Variants in IDNK observed in about 807,000 individuals in gnomAD.
The protein encoded by IDNK is IDNK gluconokinase.
Under a neutral mutation model 13.0 loss-of-function variants are expected in IDNK, and 9 were observed. The observed-to-expected ratio is 0.69, with a 90% CI of 0.42 to 1.21. The LOEUF (loss-of-function observed/expected upper bound fraction) is 1.21. Ranked by LOEUF, IDNK falls within the 50% of genes most tolerant of loss-of-function variation. IDNK has a pLI of 0.00. For missense variants in IDNK, 210 were observed against 237.8 expected (o/e 0.88, Z 0.77); for synonymous variants, 92 against 94.9 (o/e 0.97, Z 0.18).
At chr9:83,627,888 A>C in intron 1 of IDNK, 2 of 366,922 alleles carry the variant, frequency 5.5e-6, no homozygotes, top group South Asian at 9.7e-5. Flanking sequence ...ATTACACAAC[A>C]GGGACCAAAA....
intron 3 of IDNK, among the ~76,000 whole-genome samples, chr9:83,635,588 C>G (rs1831141988): frequency 6.6e-6 from 1 of 152,224 alleles, no homozygotes; most frequent in African/African-American, 2.4e-5. Flanking sequence ...TAAGATGGAT[C>G]ACAGTGATGC....
rs57832482 is a variant in IDNK, at chr9:83,631,451, GA to G, written c.168+2511del. Among the ~76,000 whole-genome samples, 27 of 56,936 alleles carry G rather than the reference GA, an allele frequency of 4.7e-4. 3 individuals are homozygous for G. The highest frequency in any genetic ancestry group is 4.2e-3 in the East Asian group (7 of 1,676). 37.4% of individuals were successfully genotyped at this position (56,936 alleles called of 152,430 possible). On this transcript the variant is annotated intron_variant, in intron 3 of 4. Transcript: ENST00000376419. ...GCAAGTCCCTGCCTCTACAAAAACT[GA>G]AAAAAAAAAAAAAAAAAAGGCTGGT...
intron 4 of IDNK, 51 bp from the exon 5 acceptor site, chr9:83,643,378 A>T: frequency 7.0e-7 from 1 of 1,437,458 alleles, no homozygotes; most frequent in Non-Finnish European, 9.4e-7. Flanking sequence ...AGGTTACTTT[A>T]AATGTCCTCC....
At chr9:83,640,826 C>A (rs569237415) in intron 3 of IDNK, among the ~76,000 whole-genome samples, 13 of 152,336 alleles carry the variant, frequency 8.5e-5, no homozygotes, top group African/African-American at 3.1e-4. Flanking sequence ...GCCTGGGCAA[C>A]AAGAGTGAAA....
At chr9:83,626,405 C>CTTGTTTTT in intron 1 of IDNK, 1 of 304,020 alleles carries the variant, frequency 3.3e-6, no homozygotes, top group South Asian at 2.5e-5. Context: ...GCTAATCTAA[C>CTTGTTTTT]TTGTTTTTTT....
chr9:83,639,449 C>T (rs1300761401), intron 3 of IDNK, among the ~76,000 whole-genome samples: 1 of 152,122 alleles, frequency 6.6e-6, no homozygotes, highest in Non-Finnish European at 1.5e-5. Context: ...AAACTGGGCA[C>T]ATGTTCTCAG....
intron 3 of IDNK, among the ~76,000 whole-genome samples, chr9:83,639,934 A>C (rs1831258628): frequency 6.6e-6 from 1 of 152,200 alleles, no homozygotes; most frequent in Admixed American, 6.5e-5. Context: ...GGAGGCCTGG[A>C]AGCTGGGCTG....
intron 1 of IDNK, chr9:83,626,798 C>T: frequency 2.6e-6 from 3 of 1,152,818 alleles, no homozygotes; most frequent in South Asian, 1.7e-5. Flanking sequence ...GTCTACTCAT[C>T]CGTAGGCTGC....
At chr9:83,632,557 C>CAAAAAAAAAAAAAAAA (rs61214533) in intron 3 of IDNK, among the ~76,000 whole-genome samples, 1 of 78,558 alleles carries the variant, frequency 1.3e-5, no homozygotes, top group Non-Finnish European at 2.4e-5. Flanking sequence ...AGCTGATGAG[C>CAAAAAAAAAAAAAAAA]AAAAAAAAAA....
chr9:83,625,690 C>A (rs1475296698), intron 1 of IDNK, among the ~76,000 whole-genome samples: 3 of 152,162 alleles, frequency 2.0e-5, no homozygotes, highest in Non-Finnish European at 4.4e-5. Flanking sequence ...TACTCCATAG[C>A]ATTTAGAAAA....
Position 83,643,549 on chromosome 9 carries a change from A to G in IDNK, c.333A>G (p.Glu111=). The change falls in exon 5 of 5, where the codon GAA becomes GAG. Residue 111 remains glutamate, a synonymous_variant. Coordinates refer to ENST00000376419, the MANE Select transcript of IDNK (RefSeq NM_001001551.4). ...VALKCEESGK[E]AKQAEMQLLV... ...TGAAGTGTGAGGAGTCGGGAAAGGA[A>G]GCAAAGCAGGCTGAGATGCAGCTCC... 1 of 1,614,040 alleles carries G rather than the reference A, an allele frequency of 6.2e-7. No homozygotes were observed. Among genetic ancestry groups the G allele is most frequent in the Non-Finnish European group, 8.5e-7 (1 of 1,179,998 alleles).
chr9:83,634,316 A>G (rs1831107594), intron 3 of IDNK, among the ~76,000 whole-genome samples: 1 of 152,176 alleles, frequency 6.6e-6, no homozygotes, highest in South Asian at 2.1e-4. Context: ...GTCTAAAAGC[A>G]CCTATTTTTG....
At chr9:83,635,261 T>C (rs1459026075) in intron 3 of IDNK, among the ~76,000 whole-genome samples, 3 of 152,204 alleles carry the variant, frequency 2.0e-5, no homozygotes, top group East Asian at 3.8e-4. Context: ...AAAATGCCAG[T>C]TGATCAATGT....
At chr9:83,638,108 A>C (rs1419280555) in intron 3 of IDNK, among the ~76,000 whole-genome samples, 1 of 152,172 alleles carries the variant, frequency 6.6e-6, no homozygotes, top group East Asian at 1.9e-4. Flanking sequence ...CAAAGGAAAA[A>C]AAAAAATCCT....
chr9:83,626,423 GTT>G (rs924419704), intron 1 of IDNK: 7 of 297,550 alleles, frequency 2.4e-5, no homozygotes, highest in African/African-American at 1.4e-4. Flanking sequence ...TTTGTTTTTT[GTT>G]TTTTGTTTTG....
intron 4 of IDNK, among the ~76,000 whole-genome samples, 190 bp downstream of exon 4, chr9:83,641,781 G>C (rs553819690): frequency 1.3e-5 from 2 of 152,178 alleles, no homozygotes; most frequent in Non-Finnish European, 2.9e-5. Context: ...GAGTTTAGTC[G>C]GGCTCTGGAG....
chr9:83,636,295 G>T (rs1355441901), intron 3 of IDNK, among the ~76,000 whole-genome samples: 1 of 152,180 alleles, frequency 6.6e-6, no homozygotes, highest in Non-Finnish European at 1.5e-5. Flanking sequence ...ATAAAGGAAA[G>T]TGGAAATCCA....
intron 3 of IDNK, among the ~76,000 whole-genome samples, chr9:83,634,782 T>C (rs868204018): frequency 6.6e-6 from 1 of 152,244 alleles, no homozygotes; most frequent in Admixed American, 6.5e-5. Flanking sequence ...AAAGAAATTC[T>C]GGTATTTAAA....
At chr9:83,638,903 T>C (rs74985102) in intron 3 of IDNK, among the ~76,000 whole-genome samples, 5,971 of 152,256 alleles carry the variant, frequency 0.039, 397 homozygotes, top group African/African-American at 0.14. Context: ...GAAAAATTGA[T>C]ACATAAAGTA....
Sources: gnomAD v4.1 joint callset for allele counts (sites outside exome capture counted in the v4.1 genomes callset) on GRCh38, gnomAD v4.1.1 for gene constraint, MANE v1.5 for transcripts, NCBI Gene and HGNC (gene_info 2026-07-23, HGNC 2026-07-21) for gene names.